The following CGNL1 variants were observed in gnomAD, a reference collection of about 807,000 sequenced individuals.
The protein encoded by CGNL1 is cingulin like 1.
Under a neutral mutation model 141.2 loss-of-function variants are expected in CGNL1, and 132 were observed. That is an observed-to-expected ratio of 0.93 (90% CI 0.81 to 1.08). CGNL1 has a LOEUF of 1.08. Ranked by LOEUF, CGNL1 falls within the 50% of genes least tolerant of loss-of-function variation. CGNL1 has a pLI of 0.00. For missense variants in CGNL1, 1,870 were observed against 1,588.6 expected, an observed-to-expected ratio of 1.18 and a Z score of -3.01; for synonymous variants, 690 against 622.1, an observed-to-expected ratio of 1.11 and a Z score of -1.63.
chr15:57,473,899 C>CTTTTTTTTT (rs59761174), intron 8 of CGNL1, among the ~76,000 whole-genome samples: 6 of 70,666 alleles, frequency 8.5e-5, no homozygotes, highest in Non-Finnish European at 1.0e-4. Flanking sequence ...TCTTCTTCTT[C>CTTTTTTTTT]TTTTTTTTTT....
chr15:57,391,427 T>A (rs1664452), intron 1 of CGNL1, among the ~76,000 whole-genome samples: 83,907 of 152,056 alleles, frequency 0.55, 23,398 homozygotes, highest in East Asian at 0.63. Flanking sequence ...TCTAGCCACT[T>A]GTGAAAATGA....
At chr15:57,459,006 G>A (rs1310689508) in intron 7 of CGNL1, among the ~76,000 whole-genome samples, 1 of 152,170 alleles carries the variant, frequency 6.6e-6, no homozygotes, top group African/African-American at 2.4e-5. Flanking sequence ...TAGAGAAAAT[G>A]AAAGAGATCT....
intron 1 of CGNL1, chr15:57,402,661 T>C (rs753653324): frequency 5.9e-5 from 9 of 152,230 alleles, no homozygotes; most frequent in Non-Finnish European, 1.0e-4. Context: ...GGTTTCACAG[T>C]GTGTCTCCAA....
intron 1 of CGNL1, among the ~76,000 whole-genome samples, chr15:57,436,229 T>A (rs2063104088): frequency 1.3e-5 from 2 of 152,202 alleles, no homozygotes; most frequent in South Asian, 4.1e-4. Context: ...CCAGCTTAAG[T>A]ACCCTATTTT....
Position 57,547,352 on chromosome 15 carries a change from C to T in CGNL1, c.3774-3C>T. 6.2e-7 allele frequency: 1 copy of T among 1,613,864 alleles called. No homozygotes were observed. On this transcript the variant is annotated splice_polypyrimidine_tract_variant and splice_region_variant and intron_variant, in intron 18 of 18. Coordinates refer to ENST00000281282, the MANE Select transcript of CGNL1 (RefSeq NM_032866.5). ...GGAAACATGCCCCTTGTCATTTCAG[C>T]AGACTGAAGAAGCTGCCGAGTAAAG...
intron 8 of CGNL1, among the ~76,000 whole-genome samples, chr15:57,473,275 T>C (rs547278154): frequency 6.6e-6 from 1 of 152,352 alleles, no homozygotes; most frequent in South Asian, 2.1e-4. Flanking sequence ...TTCTGCCTGA[T>C]GGATATTTTT....
chr15:57,483,715 T>G (rs1165485713), intron 8 of CGNL1, among the ~76,000 whole-genome samples: 2 of 152,330 alleles, frequency 1.3e-5, no homozygotes, highest in East Asian at 3.9e-4. Context: ...GTATTCAGTT[T>G]CTTACTATTA....
chr15:57,456,805 C>A (rs1032153475), intron 7 of CGNL1, among the ~76,000 whole-genome samples: 1 of 152,074 alleles, frequency 6.6e-6, no homozygotes, highest in African/African-American at 2.4e-5. Context: ...TGGGAGCCTG[C>A]GGTGCTGAGA....
At chr15:57,516,719 C>T (rs1321747848) in intron 8 of CGNL1, 61 bp from the exon 9 acceptor site, 7 of 1,541,516 alleles carry the variant, frequency 4.5e-6, no homozygotes, top group Non-Finnish European at 6.2e-6. Context: ...GCCATTCTTC[C>T]AGCCTGGGGA....
chr15:57,448,584 G>A (rs2063285223), intron 4 of CGNL1, among the ~76,000 whole-genome samples: 1 of 151,872 alleles, frequency 6.6e-6, no homozygotes, highest in Non-Finnish European at 1.5e-5. Context: ...GAAGATAGAG[G>A]TTGCAGTGAG....
chr15:57,467,397 G>A (rs943100832), intron 8 of CGNL1, among the ~76,000 whole-genome samples: 41 of 152,220 alleles, frequency 2.7e-4, no homozygotes, highest in African/African-American at 9.9e-4. Flanking sequence ...GACATTTTGG[G>A]TACTGAGTAC....
chr15:57,459,609 T>C (rs114933008), intron 7 of CGNL1, among the ~76,000 whole-genome samples: 3,916 of 152,204 alleles, frequency 0.026, 109 homozygotes, highest in East Asian at 0.066. Context: ...GGTGAGAGCC[T>C]GGATGCGGGG....
rs117322508 is a variant in CGNL1 at position 57,445,553 on chromosome 15, C to A, written c.1803+3075C>A. Reference sequence around the variant, plus strand: ...GGTAGAGATTTTGTATGGGAAAGAACAATGTATAATTTCCCTCACTGGGTT... The same window carrying A: ...GGTAGAGATTTTGTATGGGAAAGAAAAATGTATAATTTCCCTCACTGGGTT... On this transcript the variant is annotated intron_variant, in intron 4 of 18. Coordinates refer to ENST00000281282, the MANE Select transcript of CGNL1 (RefSeq NM_032866.5). Among the ~76,000 whole-genome samples, 24 of 152,270 alleles carry A rather than the reference C, an allele frequency of 1.6e-4. No individual in the cohort carries two copies. The East Asian group carries it at 4.6e-3, about 29-fold the overall frequency.
intron 8 of CGNL1, among the ~76,000 whole-genome samples, chr15:57,476,460 T>G (rs1202541470): frequency 2.6e-5 from 4 of 152,268 alleles, no homozygotes; most frequent in African/African-American, 9.6e-5. Context: ...ATGTATTTAT[T>G]CATTCAACAA....
At chr15:57,440,287 A>G (rs2063169631) in intron 2 of CGNL1, 90 bp from the exon 3 acceptor site, 2 of 904,516 alleles carry the variant, frequency 2.2e-6, no homozygotes, top group South Asian at 1.5e-5. Flanking sequence ...AACTGGCTCT[A>G]AGAAGGATGC....
intron 7 of CGNL1, among the ~76,000 whole-genome samples, chr15:57,455,478 G>C (rs1256446718): frequency 1.3e-5 from 2 of 152,134 alleles, no homozygotes; most frequent in Non-Finnish European, 2.9e-5. Context: ...ACTGTGAGTT[G>C]CCCCCTGATA....
chr15:57,522,086 G>A (rs532050118), intron 10 of CGNL1, among the ~76,000 whole-genome samples: 2 of 152,340 alleles, frequency 1.3e-5, no homozygotes, highest in Admixed American at 6.5e-5. Flanking sequence ...GTGCCCAGCA[G>A]CAGCTGTGCT....
chr15:57,494,540 G>C (rs757005250), intron 8 of CGNL1, among the ~76,000 whole-genome samples: 1 of 152,156 alleles, frequency 6.6e-6, no homozygotes, highest in African/African-American at 2.4e-5. Flanking sequence ...ATTAAAAATA[G>C]AAGTAGAAAA....
chr15:57,545,226 A>G (rs1417132776), intron 16 of CGNL1, among the ~76,000 whole-genome samples: 1 of 152,134 alleles, frequency 6.6e-6, no homozygotes, highest in Non-Finnish European at 1.5e-5. Flanking sequence ...GACACTTTAC[A>G]TTATCTATTG....
Sources: gnomAD v4.1 joint callset for allele counts (sites outside exome capture counted in the v4.1 genomes callset) on GRCh38, gnomAD v4.1.1 for gene constraint, MANE v1.5 for transcripts, NCBI Gene and HGNC (gene_info 2026-07-23, HGNC 2026-07-21) for gene names.